BLMH: variants seen among roughly 807,000 people sequenced by gnomAD.
BLMH encodes the protein BLM hydrolase.
Under a neutral mutation model 61.6 loss-of-function variants are expected in BLMH, and 32 were observed. The ratio of observed to expected loss-of-function variants is 0.52; its 90% CI spans 0.39 to 0.70. BLMH has a LOEUF of 0.70. Ranked by LOEUF, BLMH falls within the 30% of genes least tolerant of loss-of-function variation. BLMH has a pLI of 0.00. For synonymous variants in BLMH, 183 were observed against 193.8 expected, an observed-to-expected ratio of 0.94 and a Z score of 0.46; for missense variants, 460 against 555.5, an observed-to-expected ratio of 0.83 and a Z score of 1.73.
intron 11 of BLMH, among the ~76,000 whole-genome samples, chr17:30,252,935 C>T (rs1268636344): frequency 6.6e-6 from 1 of 152,190 alleles, no homozygotes; most frequent in Non-Finnish European, 1.5e-5. Context: ...AACAAAAGTT[C>T]TGTCCGCTCA....
chr17:30,273,114 A>G (rs911106169), intron 7 of BLMH: 24 of 515,162 alleles, frequency 4.7e-5, no homozygotes, highest in Admixed American at 2.2e-4. Flanking sequence ...AGACACAATT[A>G]GGAGGTGCAT....
chr17:30,286,088 G>A (rs981780176), intron 5 of BLMH, among the ~76,000 whole-genome samples: 2 of 152,128 alleles, frequency 1.3e-5, no homozygotes, highest in African/African-American at 4.8e-5. Context: ...TTCCAGGGTG[G>A]AAAATAGTCT....
At chr17:30,275,077 C>G (rs947527565) in intron 6 of BLMH, among the ~76,000 whole-genome samples, 1 of 149,128 alleles carries the variant, frequency 6.7e-6, no homozygotes, top group Non-Finnish European at 1.5e-5. Flanking sequence ...ACTAGCCAGG[C>G]GTGGTGGCCT....
chr17:30,248,877 G>A lies in BLMH; in HGVS notation c.*140C>T. On this transcript the variant is annotated 3_prime_UTR_variant, in exon 12 of 12. Coordinates refer to ENST00000261714, the MANE Select transcript of BLMH (RefSeq NM_000386.4). ...CAGCATAAAGCACACTTTCTGAAGA[G>A]GTTCCTGGTGGAGACTGGAAATCTG... 2 of 1,054,902 alleles carry A rather than the reference G, an allele frequency of 1.9e-6. No homozygotes were observed. The highest frequency in any genetic ancestry group is 4.8e-5 in the East Asian group (2 of 41,442). The allele number at this position is 1,054,902 out of a possible 1,614,324, so 65.3% of individuals were successfully genotyped here.
chr17:30,251,415 CA>C (rs1428217955), intron 11 of BLMH, among the ~76,000 whole-genome samples: 7 of 152,300 alleles, frequency 4.6e-5, no homozygotes, highest in Middle Eastern at 3.4e-3. Context: ...GAACACAGAG[CA>C]AACGATGTGT....
intron 3 of BLMH, among the ~76,000 whole-genome samples, chr17:30,289,111 ATAAAATT>A (rs1257206707): frequency 1.3e-5 from 2 of 152,224 alleles, no homozygotes; most frequent in Admixed American, 6.5e-5. Context: ...AATATTGAAT[ATAAAATT>A]TAAAATTTTA....
At chr17:30,285,770 T>C (rs757119846) in intron 5 of BLMH, among the ~76,000 whole-genome samples, 14 of 152,204 alleles carry the variant, frequency 9.2e-5, no homozygotes, top group Non-Finnish European at 1.6e-4. Context: ...GGGGAAAACA[T>C]GTGATCACAT....
chr17:30,282,337 T>C (rs1908615422), intron 6 of BLMH, among the ~76,000 whole-genome samples: 1 of 151,466 alleles, frequency 6.6e-6, no homozygotes, highest in Non-Finnish European at 1.5e-5. Context: ...GTGTCTCAGC[T>C]GCCCAAGCAG....
chr17:30,280,020 G>A (rs1908543055), intron 6 of BLMH, among the ~76,000 whole-genome samples: 1 of 152,140 alleles, frequency 6.6e-6, no homozygotes. Flanking sequence ...AGAGGAAGAA[G>A]GAAAGATGCA....
At chr17:30,283,168 G>A (rs1292691248) in intron 6 of BLMH, among the ~76,000 whole-genome samples, 1 of 151,886 alleles carries the variant, frequency 6.6e-6, no homozygotes, top group African/African-American at 2.4e-5. Flanking sequence ...TCTCTAAGGG[G>A]GAAAAAACCC....
chr17:30,271,556 T>A (rs1908271789), intron 9 of BLMH, 168 bp from the exon 10 acceptor site: 1 of 557,790 alleles, frequency 1.8e-6, no homozygotes, highest in Middle Eastern at 4.8e-4. Flanking sequence ...GAACTTAGTC[T>A]CTCAGTGGGA....
Position 30,270,851 on chromosome 17 carries a change from T to C in BLMH, c.1146+420A>G, listed in dbSNP as rs1319323931. On this transcript the variant is annotated intron_variant, in intron 10 of 11. Transcript: ENST00000261714. ...TAGAAATGGGTATGGAGTCCACAAATTACTGTTATTGACATTTTACTGCAA... is the reference window on the plus strand; with the variant it reads ...TAGAAATGGGTATGGAGTCCACAAACTACTGTTATTGACATTTTACTGCAA... Among the ~76,000 whole-genome samples the C allele has an allele frequency of 2.0e-5, 3 of 152,218 alleles. No individual in the cohort carries two copies. In the South Asian group the frequency reaches 6.2e-4, roughly 32 times the overall value.
At chr17:30,268,377 T>C (rs1204475171) in intron 10 of BLMH, among the ~76,000 whole-genome samples, 2 of 152,096 alleles carry the variant, frequency 1.3e-5, no homozygotes, top group Non-Finnish European at 2.9e-5. Context: ...AGAAAGAAAA[T>C]TGTGGAAATA....
At chr17:30,284,354 T>C (rs1908670779) in intron 6 of BLMH, among the ~76,000 whole-genome samples, 2 of 152,326 alleles carry the variant, frequency 1.3e-5, no homozygotes, top group East Asian at 1.9e-4. Context: ...ATAGCCTGAC[T>C]TCAGAGATTA....
chr17:30,254,873 C>A (rs1425599186), intron 11 of BLMH, among the ~76,000 whole-genome samples: 5 of 152,152 alleles, frequency 3.3e-5, no homozygotes, highest in Admixed American at 6.5e-5. Flanking sequence ...CCTTTAATTT[C>A]ATAAAAATGA....
chr17:30,250,323 T>A (rs1357859098), intron 11 of BLMH: 1 of 152,188 alleles, frequency 6.6e-6, no homozygotes, highest in Non-Finnish European at 1.5e-5. Flanking sequence ...TCGCAAACTA[T>A]GATTCCGACA....
At chr17:30,254,812 C>T (rs1182554106) in intron 11 of BLMH, among the ~76,000 whole-genome samples, 1 of 152,170 alleles carries the variant, frequency 6.6e-6, no homozygotes, top group Non-Finnish European at 1.5e-5. Flanking sequence ...CATGTTCAAG[C>T]TCTGTCAAAT....
In BLMH at chr17:30,260,922, A is replaced by AT. The variant is rs772817797; in HGVS notation, c.1216+5962_1216+5963insA. The stretch of plus-strand genomic sequence containing the variant: ...ACAACGGCAACAAAAAGCCCTTATC[A>AT]AAGAACCCAGAATCCAGATTAATGG... On this transcript the variant is annotated intron_variant, in intron 11 of 11. Transcript: ENST00000261714. Among the ~76,000 whole-genome samples, 7 of 152,270 alleles carry AT rather than the reference A, an allele frequency of 4.6e-5. No homozygotes were observed. The South Asian group carries it at 8.3e-4, about 18-fold the overall frequency.
intron 6 of BLMH, among the ~76,000 whole-genome samples, chr17:30,282,435 C>A (rs1256296876): frequency 6.6e-6 from 1 of 152,080 alleles, no homozygotes; most frequent in East Asian, 1.9e-4. Flanking sequence ...CCAGGCTGGT[C>A]TTGAACTCCT....
Sources: allele counts gnomAD v4.1 joint callset (sites outside exome capture counted in the v4.1 genomes callset), GRCh38; gene constraint gnomAD v4.1.1; transcripts MANE v1.5; gene names NCBI Gene and HGNC (gene_info 2026-07-23, HGNC 2026-07-21).